MGAT4A: variants seen among roughly 807,000 people sequenced by gnomAD.
MGAT4A encodes the protein N-acetylglucosaminyltransferase IVa.
Under a neutral mutation model 74.1 loss-of-function variants are expected in MGAT4A, and 33 were observed. That is an observed-to-expected ratio of 0.45 (90% confidence interval 0.34 to 0.60). The LOEUF (loss-of-function observed/expected upper bound fraction) is 0.60. Ranked by LOEUF, MGAT4A falls within the 20% of genes least tolerant of loss-of-function variation. MGAT4A has a pLI of 0.02. For synonymous variants in MGAT4A, 198 were observed against 210.4 expected (o/e 0.94, Z 0.51); for missense variants, 479 against 628.3 (o/e 0.76, Z 2.54).
intron 2 of MGAT4A, among the ~76,000 whole-genome samples, chr2:98,723,414 A>G (rs1339616163): frequency 1.3e-5 from 2 of 152,180 alleles, no homozygotes; most frequent in Non-Finnish European, 2.9e-5. Context: ...AGACTAGGAC[A>G]CTTCTTATTT....
intron 5 of MGAT4A, among the ~76,000 whole-genome samples, chr2:98,660,428 A>G (rs78975539): frequency 1.0e-3 from 44 of 42,592 alleles, no homozygotes; most frequent in African/African-American, 6.7e-3. Context: ...GCACACACAC[A>G]CACACACACA....
intron 14 of MGAT4A, 29 bp from the exon 15 acceptor site, chr2:98,625,864 A>C (rs1172455607): frequency 6.8e-7 from 1 of 1,476,104 alleles, no homozygotes; most frequent in Non-Finnish European, 9.4e-7. Flanking sequence ...TACTTGTTGG[A>C]TACACCGAGA....
intron 5 of MGAT4A, among the ~76,000 whole-genome samples, chr2:98,660,418 G>GCACACACACACACACACA (rs534943882): frequency 9.2e-5 from 13 of 141,642 alleles, no homozygotes; most frequent in Non-Finnish European, 1.4e-4. Flanking sequence ...ACACGCACGC[G>GCACACACACACACACACA]CACACACACA....
chr2:98,628,818 A>G (rs1701183268), intron 14 of MGAT4A, among the ~76,000 whole-genome samples: 1 of 152,146 alleles, frequency 6.6e-6, no homozygotes, highest in Non-Finnish European at 1.5e-5. Context: ...GGCTCTCAAA[A>G]TACTGTCCAA....
At chr2:98,659,154 C>T (rs1005618424) in intron 5 of MGAT4A, among the ~76,000 whole-genome samples, 2 of 152,136 alleles carry the variant, frequency 1.3e-5, no homozygotes, top group African/African-American at 2.4e-5. Context: ...TCCCAGGGGT[C>T]TAACAGAGAT....
At chr2:98,662,079 G>A (rs774847376) in intron 5 of MGAT4A, among the ~76,000 whole-genome samples, 1 of 152,230 alleles carries the variant, frequency 6.6e-6, no homozygotes, top group Non-Finnish European at 1.5e-5. Context: ...GTGTTCCATA[G>A]TGCATGCTGG....
intron 2 of MGAT4A, among the ~76,000 whole-genome samples, chr2:98,701,289 C>T (rs918898889): frequency 6.6e-6 from 1 of 152,202 alleles, no homozygotes; most frequent in Non-Finnish European, 1.5e-5. Flanking sequence ...CTTTTTTATG[C>T]TATTCTTGTC....
At chr2:98,729,135 A>C (rs1559179058) in intron 1 of MGAT4A, among the ~76,000 whole-genome samples, 1 of 151,768 alleles carries the variant, frequency 6.6e-6, no homozygotes, top group African/African-American at 2.4e-5. Flanking sequence ...CTAAAACCAA[A>C]GTAAACTATT....
In MGAT4A at chr2:98,663,093, A is replaced by G; in HGVS notation, c.490T>C (p.Tyr164His). 6.3e-7 allele frequency: 1 copy of G among 1,599,776 alleles called. No individual in the cohort carries two copies. The highest frequency in any genetic ancestry group is 8.5e-7 in the Non-Finnish European group (1 of 1,170,610). ...ETLHSLIDNL[Y>H]PEEKLDCVIV... ...ACACAGTCCAACTTCTCTTCAGGATACAGGTTATCAATAAGGGAATGAAGA... is the reference window on the plus strand; with the variant it reads ...ACACAGTCCAACTTCTCTTCAGGATGCAGGTTATCAATAAGGGAATGAAGA... Residue 164 changes from tyrosine to histidine, a missense_variant, in exon 5 of 16, where the codon TAT (tyrosine) becomes CAT (histidine). Transcript: ENST00000393487.
intron 5 of MGAT4A, among the ~76,000 whole-genome samples, chr2:98,661,190 A>T (rs1196200467): frequency 1.3e-5 from 2 of 152,244 alleles, no homozygotes; most frequent in African/African-American, 4.8e-5. Flanking sequence ...AGGGAAATGC[A>T]AATTAAAACC....
chr2:98,680,292 C>T (rs993832399), intron 2 of MGAT4A, among the ~76,000 whole-genome samples: 2 of 152,144 alleles, frequency 1.3e-5, no homozygotes, highest in Non-Finnish European at 2.9e-5. Flanking sequence ...GATCCACCTG[C>T]CTCAGCATCT....
Position 98,714,183 on chromosome 2 carries a change from G to A in MGAT4A, c.94+12056C>T, listed in dbSNP as rs560797107. ...CCTCACTGCCACCTTCGCCTCCCGG[G>A]TTCAAGCTATTCCTGTGTCTCAGAC... is the stretch of plus-strand genomic sequence containing the variant. On this transcript the variant is annotated intron_variant, in intron 2 of 15. Coordinates refer to ENST00000393487, the MANE Select transcript of MGAT4A (RefSeq NM_012214.3). 4.6e-5 allele frequency among the ~76,000 whole-genome samples: 7 copies of A among 152,282 alleles called. No homozygotes were observed. The East Asian group carries it at 1.4e-3, about 29-fold the overall frequency.
intron 4 of MGAT4A, among the ~76,000 whole-genome samples, chr2:98,670,728 CTCTG>C (rs1701899870): frequency 6.6e-6 from 1 of 152,012 alleles, no homozygotes; most frequent in Non-Finnish European, 1.5e-5. Context: ...CTTTCTCTGT[CTCTG>C]TCTTCCTTGT....
chr2:98,692,149 C>G (rs1702205135), intron 2 of MGAT4A, among the ~76,000 whole-genome samples: 1 of 152,128 alleles, frequency 6.6e-6, no homozygotes, highest in Admixed American at 6.5e-5. Flanking sequence ...GGCTAGAGTG[C>G]AGTGGCCTGA....
At position 98,621,399 on chromosome 2, in the gene MGAT4A, T is replaced by C. The variant is rs776081874; in HGVS notation, c.*4167A>G. The C allele has an allele frequency of 5.2e-6, 8 of 1,550,716 alleles. No homozygotes were observed. The South Asian group carries it at 8.3e-5, about 16-fold the overall frequency. On this transcript the variant is annotated 3_prime_UTR_variant, in exon 16 of 16. Coordinates refer to ENST00000393487, the MANE Select transcript of MGAT4A (RefSeq NM_012214.3). Reference sequence around the variant, plus strand: ...GGCCTCTCTCAGCTCCTCAAAGCCATGTGCATTCCTTCTCATGCAGCCCCC... The same window carrying C: ...GGCCTCTCTCAGCTCCTCAAAGCCACGTGCATTCCTTCTCATGCAGCCCCC...
Position 98,640,167 on chromosome 2 carries a change from T to C in MGAT4A, c.1082A>G (p.His361Arg). ...TGATAGTGATGAGTGCAGACCAACA[T>C]GTTGGAAAAGGGAAGGTCTGAAGCG... is the stretch of plus-strand genomic sequence containing the variant. ...RIRFRPSLFQHVGLHSSLSGK... is the reference protein window; with the variant it reads ...RIRFRPSLFQRVGLHSSLSGK... Residue 361 changes from histidine to arginine, a missense_variant, in exon 11 of 16, where the codon CAT becomes CGT. By Grantham distance (29) the His-to-Arg change is conservative. This residue lies in a region of MGAT4A where 236 missense variants were observed against 308.2 expected (regional missense o/e 0.77). Transcript: ENST00000393487. 4 of 1,613,986 alleles carry C rather than the reference T, an allele frequency of 2.5e-6. No individual in the cohort carries two copies. The highest frequency in any genetic ancestry group is 3.4e-6 in the Non-Finnish European group (4 of 1,179,970).
chr2:98,656,653 A>C (rs1575254024), intron 6 of MGAT4A, among the ~76,000 whole-genome samples, 188 bp from the exon 7 acceptor site: 1 of 152,178 alleles, frequency 6.6e-6, no homozygotes, highest in African/African-American at 2.4e-5. Flanking sequence ...AGTTTTTTCC[A>C]ATAGCAAAAG....
intron 4 of MGAT4A, among the ~76,000 whole-genome samples, chr2:98,672,057 G>A (rs1171206179): frequency 6.8e-6 from 1 of 147,834 alleles, no homozygotes; most frequent in Non-Finnish European, 1.5e-5. Context: ...TGTAAGATGA[G>A]AAATCTGTGT....
At chr2:98,661,644 C>T (rs1701751516) in intron 5 of MGAT4A, among the ~76,000 whole-genome samples, 1 of 152,006 alleles carries the variant, frequency 6.6e-6, no homozygotes, top group Non-Finnish European at 1.5e-5. Context: ...ATTAAAAGGG[C>T]TATTTTAAGT....
Sources: allele counts gnomAD v4.1 joint callset (sites outside exome capture counted in the v4.1 genomes callset), GRCh38; gene constraint gnomAD v4.1.1; regional missense constraint gnomAD v4.1.1; transcripts MANE v1.5; gene names NCBI Gene and HGNC (gene_info 2026-07-23, HGNC 2026-07-21).